Variants in ABCA13 observed in about 807,000 individuals in gnomAD.
ABCA13 encodes ATP binding cassette subfamily A member 13.
ABCA13 carries 476 observed loss-of-function variants against 478.7 expected under a neutral mutation model. The ratio of observed to expected loss-of-function variants is 0.99; its 90% confidence interval spans 0.92 to 1.07. The LOEUF (loss-of-function observed/expected upper bound fraction) is 1.07. Ranked by LOEUF, ABCA13 falls within the 50% of genes least tolerant of loss-of-function variation. The probability of loss-of-function intolerance (pLI) is 0.00; values close to 1 mark genes in which losing one functional copy is unlikely to be tolerated. For synonymous variants in ABCA13, 2,252 were observed against 2,158.9 expected (o/e 1.04, Z -1.20); for missense variants, 6,060 against 5,910.6 (o/e 1.03, Z -0.83).
chr7:48,520,890 C>T (rs1013633537), intron 53 of ABCA13, among the ~76,000 whole-genome samples: 3 of 152,264 alleles, frequency 2.0e-5, no homozygotes, highest in Non-Finnish European at 2.9e-5. Context: ...CAACTAAATG[C>T]CAAGAACTCT....
chr7:48,267,734 G>T (rs1795055251), intron 15 of ABCA13, among the ~76,000 whole-genome samples: 1 of 152,092 alleles, frequency 6.6e-6, no homozygotes, highest in Non-Finnish European at 1.5e-5. Flanking sequence ...TGTGATTAAT[G>T]TTCCCTTCTG....
At position 48,412,873 on chromosome 7, in the gene ABCA13, G is replaced by A. The variant is rs149622250; in HGVS notation, c.12459+290G>A. ...GTAGTGCAGGCTGGAGTGCAGTGGCGCTATCTCGGCTCACTGCAAGCTCTG... is the reference window on the plus strand; with the variant it reads ...GTAGTGCAGGCTGGAGTGCAGTGGCACTATCTCGGCTCACTGCAAGCTCTG... On this transcript the variant is annotated intron_variant, in intron 41 of 61. Transcript: ENST00000435803. Among the ~76,000 whole-genome samples, 61 of 151,122 alleles carry A rather than the reference G, an allele frequency of 4.0e-4. No homozygotes were observed. The East Asian group carries it at 0.011, about 27-fold the overall frequency.
intron 48 of ABCA13, among the ~76,000 whole-genome samples, chr7:48,502,962 CT>C (rs35522473): frequency 1.3e-5 from 2 of 152,096 alleles, no homozygotes; most frequent in African/African-American, 2.4e-5. Flanking sequence ...TTAATTAATC[CT>C]TTTTTTGTGA....
At position 48,645,589 on chromosome 7, in the gene ABCA13, G is replaced by T; in HGVS notation, c.*77G>T. On this transcript the variant is annotated 3_prime_UTR_variant, in exon 62 of 62. Coordinates refer to ENST00000435803, the MANE Select transcript of ABCA13 (RefSeq NM_152701.5). Reference sequence around the variant, plus strand: ...ACAGTCAAGGATAAAACAAGCACGCGCACAATCAAGGAGCTGGAACACACT... The same window carrying T: ...ACAGTCAAGGATAAAACAAGCACGCTCACAATCAAGGAGCTGGAACACACT... 2 of 1,193,056 alleles carry T rather than the reference G, an allele frequency of 1.7e-6. No homozygotes were observed. The highest frequency in any genetic ancestry group is 1.9e-4 in the Middle Eastern group (1 of 5,272). 73.9% of individuals were successfully genotyped at this position (1,193,056 alleles called of 1,614,324 possible).
At chr7:48,513,693 ATTTTAATAAAAGCCT>A (rs931662824) in intron 51 of ABCA13, among the ~76,000 whole-genome samples, 5 of 152,168 alleles carry the variant, frequency 3.3e-5, no homozygotes, top group African/African-American at 1.2e-4. Flanking sequence ...ATGATATTAT[ATTTTAATAAAAGCCT>A]GGAGATTGTT....
chr7:48,373,780 A>G (rs1010939645), intron 33 of ABCA13, among the ~76,000 whole-genome samples: 1 of 152,136 alleles, frequency 6.6e-6, no homozygotes, highest in Non-Finnish European at 1.5e-5. Flanking sequence ...ATAAAATTTG[A>G]TTTTCTGTTT....
At chr7:48,345,284 G>T (rs958121116) in intron 29 of ABCA13, among the ~76,000 whole-genome samples, 1 of 152,172 alleles carries the variant, frequency 6.6e-6, no homozygotes, top group Non-Finnish European at 1.5e-5. Context: ...TCAATTCAGA[G>T]TGTACTTCAT....
chr7:48,283,031 C>G (rs899068352), intron 19 of ABCA13, among the ~76,000 whole-genome samples: 1 of 152,112 alleles, frequency 6.6e-6, no homozygotes, highest in Admixed American at 6.5e-5. Flanking sequence ...TGCTCAGCAG[C>G]GAGAAGTAGT....
At chr7:48,345,456 TTGA>T (rs775561825) in intron 29 of ABCA13, among the ~76,000 whole-genome samples, 24 of 152,240 alleles carry the variant, frequency 1.6e-4, no homozygotes, top group Non-Finnish European at 3.1e-4. Flanking sequence ...AAAAGTGATA[TTGA>T]TGATAATGAC....
At chr7:48,390,400 G>A (rs1434156442) in intron 37 of ABCA13, among the ~76,000 whole-genome samples, 2 of 152,142 alleles carry the variant, frequency 1.3e-5, no homozygotes, top group Admixed American at 1.3e-4. Context: ...AGACTTCTAG[G>A]GAATGTGTAT....
At chr7:48,258,628 C>T (rs576331172) in intron 15 of ABCA13, among the ~76,000 whole-genome samples, 1 of 152,156 alleles carries the variant, frequency 6.6e-6, no homozygotes, top group South Asian at 2.1e-4. Context: ...TTGTTTTCTG[C>T]TAGCTTGCTT....
intron 24 of ABCA13, among the ~76,000 whole-genome samples, chr7:48,310,453 G>T (rs531120413): frequency 6.6e-6 from 1 of 152,134 alleles, no homozygotes; most frequent in African/African-American, 2.4e-5. Flanking sequence ...ACACAGCACC[G>T]CTTCCTAATG....
At chr7:48,609,279 ATCC>A (rs1791782020) in intron 58 of ABCA13, among the ~76,000 whole-genome samples, 2 of 152,096 alleles carry the variant, frequency 1.3e-5, no homozygotes, top group South Asian at 4.1e-4. Context: ...TCTCTTTTAA[ATCC>A]TCCTATTCAT....
In ABCA13 at chr7:48,273,576, T is replaced by G. The variant is rs759301145; in HGVS notation, c.3910T>G (p.Ser1304Ala). The G allele has an allele frequency of 3.8e-6, 6 of 1,584,816 alleles. No individual in the cohort carries two copies. In the African/African-American group the frequency reaches 8.1e-5, roughly 21 times the overall value. Residue 1304 changes from serine (S) to alanine (A), a missense_variant, in exon 17 of 62, where the codon TCA (serine) becomes GCA (alanine). Ser to Ala is a moderately conservative substitution (Grantham distance 99, BLOSUM62 1). Coordinates refer to ENST00000435803, the MANE Select transcript of ABCA13 (RefSeq NM_152701.5). ...AGAATATATAGTCAGAAATCTAGAT[T>G]CAATAAATGACTTTCTTTCAAATAA... ...TSEYIVRNLD[S>A]INDFLSNNLT...
At chr7:48,214,579 T>C (rs964855035) in intron 3 of ABCA13, among the ~76,000 whole-genome samples, 2 of 152,198 alleles carry the variant, frequency 1.3e-5, no homozygotes, top group African/African-American at 4.8e-5. Flanking sequence ...TTTAGCTAGA[T>C]CTTCTGGAGA....
intron 10 of ABCA13, among the ~76,000 whole-genome samples, chr7:48,242,025 A>G (rs1262616375): frequency 6.6e-6 from 1 of 152,230 alleles, no homozygotes; most frequent in Non-Finnish European, 1.5e-5. Context: ...GCCTTGAAGT[A>G]GTGTTCTAGG....
At position 48,205,110 on chromosome 7, in the gene ABCA13, T is replaced by C. The variant is rs557586565; in HGVS notation, c.287+6750T>C. On this transcript the variant is annotated intron_variant, in intron 3 of 61. Coordinates refer to ENST00000435803, the MANE Select transcript of ABCA13 (RefSeq NM_152701.5). ...TGGGAATTATGTGCTTTTTGCTAGG[T>C]TTTTATTTTTAAATTTCTCCTCCAA... Among the ~76,000 whole-genome samples, 7 of 152,344 alleles carry C rather than the reference T, an allele frequency of 4.6e-5. No homozygotes were observed. The East Asian group carries it at 1.3e-3, about 29-fold the overall frequency.
At chr7:48,385,167 G>T (rs1020867064) in intron 35 of ABCA13, among the ~76,000 whole-genome samples, 1 of 152,124 alleles carries the variant, frequency 6.6e-6, no homozygotes, top group Admixed American at 6.5e-5. Flanking sequence ...TAAGTGCAGG[G>T]GTACATGTGC....
chr7:48,411,291 C>CTTTTCTTTTCTTTTCTTTTCTT (rs1554500145), intron 40 of ABCA13, among the ~76,000 whole-genome samples: 13 of 92,890 alleles, frequency 1.4e-4, no homozygotes, highest in African/African-American at 4.9e-4. Context: ...TCCTTCCTTC[C>CTTTTCTTTTCTTTTCTTTTCTT]TTCTTTTCTT....
Sources: gnomAD v4.1 joint callset for allele counts (sites outside exome capture counted in the v4.1 genomes callset) on GRCh38, gnomAD v4.1.1 for gene constraint, MANE v1.5 for transcripts, NCBI Gene and HGNC (gene_info 2026-07-23, HGNC 2026-07-21) for gene names.